Variants in ANKRD26 observed in about 807,000 individuals in gnomAD.
ANKRD26 encodes the protein ankyrin repeat domain 26.
Under a neutral mutation model 208.7 loss-of-function variants are expected in ANKRD26, and 141 were observed. The observed-to-expected ratio is 0.68, with a 90% CI of 0.59 to 0.78. The LOEUF is 0.78. Ranked by LOEUF, ANKRD26 falls within the 30% of genes least tolerant of loss-of-function variation. The pLI is 0.00. For missense variants in ANKRD26, 1,889 were observed against 1,938.7 expected (o/e 0.97, Z 0.48); for synonymous variants, 636 against 660.4 (o/e 0.96, Z 0.57).
intron 27 of ANKRD26, among the ~76,000 whole-genome samples, chr10:27,027,053 T>A (rs2053684139): frequency 6.6e-6 from 1 of 152,298 alleles, no homozygotes; most frequent in East Asian, 1.9e-4. Context: ...CCCAAAGTGC[T>A]GGGCATGAGC....
At position 27,012,987 on chromosome 10, in the gene ANKRD26, A is replaced by G. The variant is rs2053169545; in HGVS notation, c.4848T>C (p.Asn1616=). Residue 1616 remains asparagine (N), a synonymous_variant, in exon 32 of 34, where the codon AAT becomes AAC. Coordinates refer to ENST00000376087, the MANE Select transcript of ANKRD26 (RefSeq NM_014915.3). Reference sequence around the variant, plus strand: ...GTTTTCTGTTGAGATCTAAACTATTATTAAGATTTCCCACACAAGGTGGCT... The same window carrying G: ...GTTTTCTGTTGAGATCTAAACTATTGTTAAGATTTCCCACACAAGGTGGCT... ...VMEPPCVGNL[N]NSLDLNRKLI... is the part of the protein sequence containing the mutation. 4 of 1,613,998 alleles carry G rather than the reference A, an allele frequency of 2.5e-6. No homozygotes were observed.
At chr10:27,094,771 T>G (rs1373591602) in intron 1 of ANKRD26, among the ~76,000 whole-genome samples, 1 of 152,144 alleles carries the variant, frequency 6.6e-6, no homozygotes, top group Non-Finnish European at 1.5e-5. Context: ...GAAGCTGAGG[T>G]AGGATGACTG....
Position 27,043,219 on chromosome 10 carries a change from G to GA in ANKRD26, c.2161+206dup, listed in dbSNP as rs201440479. On this transcript the variant is annotated intron_variant, in intron 20 of 33. Coordinates refer to ENST00000376087, the MANE Select transcript of ANKRD26 (RefSeq NM_014915.3). ...TGAAAAGTTAAGCCACAAACTGGGAGAAAAAAATCCCTGCAAAAAATATAG... is the reference window on the plus strand; with the variant it reads ...TGAAAAGTTAAGCCACAAACTGGGAGAAAAAAAATCCCTGCAAAAAATATAG... Among the ~76,000 whole-genome samples, 467 of 149,084 alleles carry GA rather than the reference G, an allele frequency of 3.1e-3. 4 individuals are homozygous for GA. The highest frequency in any genetic ancestry group is 0.011 in the African/African-American group (443 of 40,738).
chr10:27,067,371 G>A (rs182764519), intron 9 of ANKRD26, 85 bp from the exon 10 acceptor site: 86 of 1,462,092 alleles, frequency 5.9e-5, no homozygotes, highest in East Asian at 5.5e-4. Context: ...GTATTAGTCC[G>A]TACTTGCACT....
chr10:27,014,091 G>A (rs1266828727), intron 31 of ANKRD26, among the ~76,000 whole-genome samples: 4 of 152,108 alleles, frequency 2.6e-5, no homozygotes, highest in Non-Finnish European at 5.9e-5. Context: ...AATGTGCAGA[G>A]TAGTAGTGAT....
At chr10:27,057,838 G>GAGGC in intron 15 of ANKRD26, among the ~76,000 whole-genome samples, 1 of 152,076 alleles carries the variant, frequency 6.6e-6, no homozygotes, top group South Asian at 2.1e-4. Flanking sequence ...TCAGGAGGCT[G>GAGGC]AGGCAGGAGA....
chr10:26,990,801 T>C (rs1386949124), downstream of ANKRD26, among the ~76,000 whole-genome samples: 1 of 152,168 alleles, frequency 6.6e-6, no homozygotes, highest in Non-Finnish European at 1.5e-5. Flanking sequence ...ATTAAAAACC[T>C]TAACAAAACA....
At chr10:27,033,675 C>T (rs1014954409) in intron 24 of ANKRD26, among the ~76,000 whole-genome samples, 5 of 152,116 alleles carry the variant, frequency 3.3e-5, no homozygotes, top group African/African-American at 1.2e-4. Flanking sequence ...ACTGAAGTCT[C>T]GAAATAGTTA....
intron 32 of ANKRD26, among the ~76,000 whole-genome samples, chr10:27,007,446 GAGTTCGAGACCAGCCTGGGCAACAT>G (rs2052928210): frequency 6.6e-6 from 1 of 152,188 alleles, no homozygotes; most frequent in African/African-American, 2.4e-5. Context: ...CTGAGCTCAG[GAGTTCGAGACCAGCCTGGGCAACAT>G]AGTGAAATCC....
intron 6 of ANKRD26, chr10:27,081,061 T>C (rs1054272523): frequency 1.9e-6 from 1 of 526,114 alleles, no homozygotes; most frequent in Non-Finnish European, 2.4e-6. Context: ...TTATAGTACA[T>C]TCCTACTGGC....
intron 1 of ANKRD26, among the ~76,000 whole-genome samples, chr10:27,095,799 C>A (rs1173123220): frequency 6.6e-6 from 1 of 152,146 alleles, no homozygotes; most frequent in Non-Finnish European, 1.5e-5. Context: ...ATGGAAAGGT[C>A]CTGAGAGATA....
intron 32 of ANKRD26, among the ~76,000 whole-genome samples, chr10:27,008,304 C>T (rs917893707): frequency 2.6e-5 from 4 of 151,796 alleles, no homozygotes; most frequent in Admixed American, 6.6e-5. Context: ...AGACTGTTTT[C>T]CATATATTTC....
At position 27,004,750 on chromosome 10, in the gene ANKRD26, C is replaced by T. The variant is rs886455331; in HGVS notation, c.*840G>A. ...CAAGGTCATGAAGGTCAAGGAAAGA[C>T]TGAGGAACTGTTCCAGACTGAAAGA... On this transcript the variant is annotated 3_prime_UTR_variant, in exon 34 of 34. Coordinates refer to ENST00000376087, the MANE Select transcript of ANKRD26 (RefSeq NM_014915.3). 3.3e-5 allele frequency: 5 copies of T among 151,408 alleles called. No individual in the cohort carries two copies. The highest frequency in any genetic ancestry group is 2.0e-4 in the Admixed American group (3 of 15,236). 9.4% of individuals were successfully genotyped at this position (151,408 alleles called of 1,614,324 possible). A position where few individuals can be genotyped will look rare whatever the true frequency, so the allele number is the denominator to read the frequency against.
At chr10:27,092,854 G>A (rs953544101) in intron 3 of ANKRD26, among the ~76,000 whole-genome samples, 3 of 152,170 alleles carry the variant, frequency 2.0e-5, no homozygotes, top group Non-Finnish European at 4.4e-5. Context: ...AGGCTGAGGC[G>A]GGTGGATCAC....
chr10:27,030,637 C>G (rs2053835206), intron 25 of ANKRD26: 1 of 975,598 alleles, frequency 1.0e-6, no homozygotes. Context: ...GATTTCTTTT[C>G]AGGGTGAAAA....
chr10:26,961,033 A>G, the ANKRD26 span, among the ~76,000 whole-genome samples: 4 of 152,272 alleles, frequency 2.6e-5, no homozygotes, highest in African/African-American at 9.6e-5. Context: ...CCTGGCCAAC[A>G]TGGTGAAACC....
intron 9 of ANKRD26, among the ~76,000 whole-genome samples, chr10:27,074,225 T>C (rs1201787949): frequency 1.3e-5 from 2 of 152,146 alleles, no homozygotes; most frequent in African/African-American, 4.8e-5. Flanking sequence ...AGGTTGATTA[T>C]TAAGTTACTC....
intron 29 of ANKRD26, among the ~76,000 whole-genome samples, chr10:27,018,751 GAATA>G (rs890330658): frequency 1.4e-4 from 21 of 152,050 alleles, no homozygotes; most frequent in African/African-American, 5.1e-4. Context: ...ACATCCTCTT[GAATA>G]AATAGTGCTG....
exon 6 of ANKRD26, among the ~76,000 whole-genome samples, chr10:26,974,341 ATTT>A (rs5783993): frequency 1.5e-3 from 188 of 129,288 alleles, no homozygotes; most frequent in African/African-American, 3.3e-3. Context: ...TTACTTCTGC[ATTT>A]TTTTTTTTTT....
Sources: gnomAD v4.1 joint callset for allele counts (sites outside exome capture counted in the v4.1 genomes callset) on GRCh38, gnomAD v4.1.1 for gene constraint, MANE v1.5 for transcripts, NCBI Gene and HGNC (gene_info 2026-07-23, HGNC 2026-07-21) for gene names.